The following MAGI2 variants were observed in gnomAD, a reference collection of about 807,000 sequenced individuals.
MAGI2 encodes membrane associated guanylate kinase, WW and PDZ domain containing 2.
In MAGI2, 35 loss-of-function variants were observed where a neutral mutation model predicts 133.3. The ratio of observed to expected loss-of-function variants is 0.26; its 90% CI spans 0.20 to 0.35. The LOEUF (loss-of-function observed/expected upper bound fraction) is 0.35, where lower values mean the gene tolerates loss of function less well. Ranked by LOEUF, MAGI2 falls within the 10% of genes least tolerant of loss-of-function variation. The pLI is 1.00. For synonymous variants in MAGI2, 729 were observed against 710.6 expected, an observed-to-expected ratio of 1.03 and a Z score of -0.41; for missense variants, 1,636 against 1,863.4, an observed-to-expected ratio of 0.88 and a Z score of 2.25.
intron 3 of MAGI2, among the ~76,000 whole-genome samples, chr7:78,546,361 G>T (rs1798837889): frequency 6.6e-6 from 1 of 151,842 alleles, no homozygotes; most frequent in African/African-American, 2.4e-5. Flanking sequence ...TCGTTAGGTA[G>T]CATACCAGAT....
intron 21 of MAGI2, among the ~76,000 whole-genome samples, chr7:78,055,641 C>T (rs1333567247): frequency 2.0e-5 from 3 of 152,102 alleles, no homozygotes; most frequent in African/African-American, 4.8e-5. Flanking sequence ...CCTTACTGCC[C>T]CTGGTAGAGT....
At chr7:78,833,086 T>A (rs1470263590) in intron 2 of MAGI2, among the ~76,000 whole-genome samples, 1 of 152,186 alleles carries the variant, frequency 6.6e-6, no homozygotes, top group Non-Finnish European at 1.5e-5. Context: ...CACATCATGT[T>A]TCTATGGATT....
At chr7:78,350,633 C>T (rs1009894661) in intron 7 of MAGI2, 1 of 152,156 alleles carries the variant, frequency 6.6e-6, no homozygotes, top group Non-Finnish European at 1.5e-5. Context: ...TCAGAAGTTT[C>T]AGACAAGCAC....
intron 21 of MAGI2, among the ~76,000 whole-genome samples, chr7:78,054,735 C>T (rs1812387104): frequency 6.6e-6 from 1 of 152,024 alleles, no homozygotes; most frequent in Non-Finnish European, 1.5e-5. Flanking sequence ...TCACGGCTCA[C>T]TGCAGCCTCA....
At chr7:79,113,215 C>T (rs1186233482) in intron 1 of MAGI2, among the ~76,000 whole-genome samples, 1 of 152,114 alleles carries the variant, frequency 6.6e-6, no homozygotes, top group African/African-American at 2.4e-5. Context: ...TTGTCACTTC[C>T]CTTAATTGTC....
At chr7:78,410,102 G>A (rs939150101) in intron 6 of MAGI2, among the ~76,000 whole-genome samples, 2 of 151,870 alleles carry the variant, frequency 1.3e-5, no homozygotes, top group African/African-American at 4.8e-5. Flanking sequence ...ATAGTAAGGG[G>A]AGCCATGGGT....
chr7:79,305,566 G>T (rs1837721174), intron 1 of MAGI2, among the ~76,000 whole-genome samples: 1 of 151,740 alleles, frequency 6.6e-6, no homozygotes, highest in South Asian at 2.1e-4. Flanking sequence ...ATCTCATTTT[G>T]ATTTTTAAGC....
chr7:78,821,407 A>G (rs1790098416), intron 2 of MAGI2, among the ~76,000 whole-genome samples: 1 of 152,014 alleles, frequency 6.6e-6, no homozygotes, highest in African/African-American at 2.4e-5. Flanking sequence ...TAACAGGTTG[A>G]TAAGTATGGG....
At position 78,216,793 on chromosome 7, in the gene MAGI2, G is replaced by A. The variant is rs567459521; in HGVS notation, c.2048-15600C>T. 3.3e-5 allele frequency among the ~76,000 whole-genome samples: 5 copies of A among 152,260 alleles called. No individual in the cohort carries two copies. In the South Asian group the frequency reaches 1.0e-3, roughly 32 times the overall value. ...TTTCCATGGTTGAGACCACTAATTC[G>A]TAAAGGTATTTCCCCTCTTTGGGTC... On this transcript the variant is annotated intron_variant, in intron 10 of 21. Transcript: ENST00000354212.
At chr7:78,586,163 T>C (rs1803383785) in intron 3 of MAGI2, among the ~76,000 whole-genome samples, 1 of 152,240 alleles carries the variant, frequency 6.6e-6, no homozygotes, top group South Asian at 2.1e-4. Flanking sequence ...ATTGCGTAAG[T>C]AGATCATTGT....
intron 2 of MAGI2, among the ~76,000 whole-genome samples, chr7:78,941,526 G>A (rs1380250187): frequency 6.6e-6 from 1 of 151,998 alleles, no homozygotes; most frequent in Non-Finnish European, 1.5e-5. Flanking sequence ...AGTATATACA[G>A]GGTTTTGCCC....
At chr7:78,706,599 A>G (rs1342718378) in intron 2 of MAGI2, among the ~76,000 whole-genome samples, 3 of 152,120 alleles carry the variant, frequency 2.0e-5, no homozygotes, top group African/African-American at 7.2e-5. Context: ...CTGTCCTTAC[A>G]TAATTTATAT....
At chr7:78,535,879 C>G (rs1330684610) in intron 3 of MAGI2, among the ~76,000 whole-genome samples, 2 of 150,432 alleles carry the variant, frequency 1.3e-5, no homozygotes, top group Middle Eastern at 3.4e-3. Context: ...TACACCCCCC[C>G]CGCCCACCGC....
At chr7:78,869,913 T>C (rs959606154) in intron 2 of MAGI2, among the ~76,000 whole-genome samples, 3 of 152,200 alleles carry the variant, frequency 2.0e-5, no homozygotes, top group Non-Finnish European at 4.4e-5. Context: ...AGTATTTGGC[T>C]TTATTTCTGG....
At chr7:79,420,378 C>T (rs1213468197) in intron 1 of MAGI2, among the ~76,000 whole-genome samples, 1 of 151,950 alleles carries the variant, frequency 6.6e-6, no homozygotes, top group Non-Finnish European at 1.5e-5. Flanking sequence ...CAAAGTGATG[C>T]CCCCAATTCA....
chr7:78,288,256 G>C (rs1001840252), intron 9 of MAGI2, among the ~76,000 whole-genome samples: 2 of 152,070 alleles, frequency 1.3e-5, no homozygotes, highest in African/African-American at 4.8e-5. Context: ...ACATGACAAT[G>C]TAATAATAAG....
intron 1 of MAGI2, among the ~76,000 whole-genome samples, chr7:79,330,589 T>C (rs1436977986): frequency 6.6e-6 from 1 of 152,110 alleles, no homozygotes; most frequent in African/African-American, 2.4e-5. Context: ...AAGTTTTTTG[T>C]AAATGGTGGT....
At chr7:78,236,523 T>A (rs1790562144) in intron 10 of MAGI2, among the ~76,000 whole-genome samples, 1 of 152,106 alleles carries the variant, frequency 6.6e-6, no homozygotes, top group South Asian at 2.1e-4. Flanking sequence ...TTGAGGGAAA[T>A]TAGCTACTTT....
intron 2 of MAGI2, among the ~76,000 whole-genome samples, chr7:78,766,666 T>C (rs999362422): frequency 1.3e-5 from 2 of 152,244 alleles, no homozygotes; most frequent in African/African-American, 4.8e-5. Context: ...CTCCACATGG[T>C]GAATATCACC....
Sources: allele counts gnomAD v4.1 joint callset (sites outside exome capture counted in the v4.1 genomes callset), GRCh38; gene constraint gnomAD v4.1.1; transcripts MANE v1.5; gene names NCBI Gene and HGNC (gene_info 2026-07-23, HGNC 2026-07-21).